CPM: variants seen among roughly 807,000 people sequenced by gnomAD.
CPM encodes the protein renal carboxypeptidase.
A neutral mutation model predicts 46.4 loss-of-function variants in CPM; 35 were observed. The observed-to-expected ratio is 0.75, with a 90% CI of 0.58 to 1.00. The LOEUF (loss-of-function observed/expected upper bound fraction) is 1.00. Among genes scored for constraint, CPM ranks in the 50% least tolerant of loss-of-function variants. CPM has a pLI of 0.00. For synonymous variants in CPM, 195 were observed against 195.3 expected, an observed-to-expected ratio of 1.00 and a Z score of 0.01; for missense variants, 422 against 530.4, an observed-to-expected ratio of 0.80 and a Z score of 2.01.
chr12:68,932,020 A>G (rs1294624722), intron 2 of CPM, among the ~76,000 whole-genome samples: 1 of 152,184 alleles, frequency 6.6e-6, no homozygotes, highest in Non-Finnish European at 1.5e-5. Context: ...ACTAATATAT[A>G]TTCATTATCT....
chr12:68,887,459 T>C (rs1886481533), intron 2 of CPM, among the ~76,000 whole-genome samples: 1 of 152,188 alleles, frequency 6.6e-6, no homozygotes, highest in Admixed American at 6.5e-5. Flanking sequence ...ATTTTCAACA[T>C]TTATTCATAA....
In CPM at chr12:68,856,647, T is replaced by A; in HGVS notation, c.1122A>T (p.Thr374=). Residue 374 remains threonine (T), a synonymous_variant, in exon 9 of 9, where the codon ACA becomes ACT. Coordinates refer to ENST00000551568, the MANE Select transcript of CPM (RefSeq NM_198320.5). The part of the protein sequence containing the change: ...VTVPGHDPHI[T]KVIIPEKSQN... ...GGGATTTCTCCGGAATAATCACCTT[T>A]GTGATGTGTGGATCATGTCCAGGGA... 1 of 1,614,232 alleles carries A rather than the reference T, an allele frequency of 6.2e-7. No homozygotes were observed. The highest frequency in any genetic ancestry group is 8.5e-7 in the Non-Finnish European group (1 of 1,180,020).
intron 5 of CPM, chr12:68,845,161 C>A (rs537455815): frequency 4.5e-6 from 1 of 223,034 alleles, no homozygotes; most frequent in Admixed American, 5.7e-5. Flanking sequence ...TTTTTAGTTG[C>A]GCTTTATGGG....
At chr12:68,890,760 A>G (rs1043597222) in intron 2 of CPM, among the ~76,000 whole-genome samples, 2 of 152,364 alleles carry the variant, frequency 1.3e-5, no homozygotes, top group South Asian at 4.1e-4. Flanking sequence ...CCCCACCGGG[A>G]CATTCCACAT....
In CPM at chr12:68,872,003, T is replaced by G. The variant is rs757710413; in HGVS notation, c.259-47A>C. The G allele has an allele frequency of 5.0e-6, 8 of 1,599,446 alleles. No individual in the cohort carries two copies. In the East Asian group the frequency reaches 1.8e-4, roughly 36 times the overall value. On this transcript the variant is annotated intron_variant, in intron 3 of 8. Coordinates refer to ENST00000551568, the MANE Select transcript of CPM (RefSeq NM_198320.5). ...GAGGACATTATTAGGTCAGAGGCAA[T>G]AAGGAAAGCACTCCCTACGGTACAA...
chr12:68,923,209 GTGTGTT>G (rs1165569747), intron 2 of CPM, among the ~76,000 whole-genome samples: 31 of 131,324 alleles, frequency 2.4e-4, no homozygotes, highest in Admixed American at 7.1e-4. Context: ...GTGTGTGTGT[GTGTGTT>G]TTGAGTAATT....
At chr12:68,933,449 G>A (rs542529454), upstream of CPM, among the ~76,000 whole-genome samples, 37 of 152,306 alleles carry the variant, frequency 2.4e-4, no homozygotes, top group African/African-American at 8.9e-4. Flanking sequence ...CAGGTCAGAA[G>A]TGTGTCCTCG....
chr12:68,927,213 T>C (rs1478583844), intron 2 of CPM, among the ~76,000 whole-genome samples: 3 of 151,340 alleles, frequency 2.0e-5, no homozygotes, highest in South Asian at 2.1e-4. Context: ...CTCCACATCC[T>C]CTCCAGCACC....
chr12:68,842,312 G>A (rs1477521385), exon 6 of CPM: 2 of 496,218 alleles, frequency 4.0e-6, no homozygotes. Flanking sequence ...GACCCCTGTT[G>A]CAGGCAAAGG....
chr12:68,915,638 C>T (rs1051507841), intron 2 of CPM, among the ~76,000 whole-genome samples: 9 of 152,220 alleles, frequency 5.9e-5, no homozygotes, highest in African/African-American at 1.9e-4. Context: ...CAATGCTTTT[C>T]CCATTACGGC....
intron 1 of CPM, among the ~76,000 whole-genome samples, chr12:68,946,631 A>G (rs1282135227): frequency 6.6e-6 from 1 of 152,226 alleles, no homozygotes; most frequent in African/African-American, 2.4e-5. Context: ...CTCAACCTCA[A>G]TTCCTCAAAG....
At chr12:68,881,221 T>C (rs1397726880) in intron 3 of CPM, among the ~76,000 whole-genome samples, 3 of 152,214 alleles carry the variant, frequency 2.0e-5, no homozygotes, top group Admixed American at 6.5e-5. Flanking sequence ...AACCTTTAGA[T>C]TTAATTTCCA....
chr12:68,845,460 C>A (rs1884215776), intron 5 of CPM: 1 of 207,302 alleles, frequency 4.8e-6, no homozygotes, highest in Non-Finnish European at 9.8e-6. Flanking sequence ...GTAACTTATT[C>A]ATAATGCATC....
Position 68,888,778 on chromosome 12 carries a change from T to C in CPM, c.161-2889A>G, listed in dbSNP as rs972639443. 4.6e-5 allele frequency among the ~76,000 whole-genome samples: 7 copies of C among 152,358 alleles called. No homozygotes were observed. In the South Asian group the frequency reaches 6.2e-4, roughly 14 times the overall value. Reference sequence around the variant, plus strand: ...TGGATTCCAGAGATTTCAGTATTTATATTCAGCAACTCACACAGGGTTTAA... The same window carrying C: ...TGGATTCCAGAGATTTCAGTATTTACATTCAGCAACTCACACAGGGTTTAA... On this transcript the variant is annotated intron_variant, in intron 2 of 8. Coordinates refer to ENST00000551568, the MANE Select transcript of CPM (RefSeq NM_198320.5).
chr12:68,945,846 C>CTTTTTTTTT (rs1170064808), intron 1 of CPM, among the ~76,000 whole-genome samples: 148 of 88,454 alleles, frequency 1.7e-3, no homozygotes, highest in African/African-American at 2.5e-3. Flanking sequence ...TTCTTTCTTT[C>CTTTTTTTTT]TTTTTTTTTT....
intron 3 of CPM, among the ~76,000 whole-genome samples, chr12:68,877,356 TA>T (rs1481244709): frequency 6.6e-6 from 1 of 152,224 alleles, no homozygotes; most frequent in East Asian, 1.9e-4. Flanking sequence ...TAATTGCTAA[TA>T]AACTACTGTT....
At chr12:68,930,904 AATG>A (rs1292528335) in intron 2 of CPM, among the ~76,000 whole-genome samples, 1 of 152,230 alleles carries the variant, frequency 6.6e-6, no homozygotes, top group African/African-American at 2.4e-5. Flanking sequence ...TTGTGGTTGA[AATG>A]ATGACTGAAC....
chr12:68,945,846 CTTTTTTTTTTTTT>C, intron 1 of CPM, among the ~76,000 whole-genome samples: 1 of 88,468 alleles, frequency 1.1e-5, no homozygotes, highest in South Asian at 4.4e-4. Flanking sequence ...TTCTTTCTTT[CTTTTTTTTTTTTT>C]TTTTTTTTTT....
At chr12:68,856,903 A>T (rs1884999122) in intron 8 of CPM, among the ~76,000 whole-genome samples, 1 of 152,164 alleles carries the variant, frequency 6.6e-6, no homozygotes, top group African/African-American at 2.4e-5. Context: ...TTACAAAATG[A>T]AATAAGGACA....
Sources: allele counts gnomAD v4.1 joint callset (sites outside exome capture counted in the v4.1 genomes callset), GRCh38; gene constraint gnomAD v4.1.1; transcripts MANE v1.5; gene names NCBI Gene and HGNC (gene_info 2026-07-23, HGNC 2026-07-21).